The following COL24A1 variants were observed in gnomAD, a reference collection of about 807,000 sequenced individuals.
COL24A1 encodes collagen alpha-1(XXIV) chain.
A neutral mutation model predicts 253.9 loss-of-function variants in COL24A1; 224 were observed. That is an observed-to-expected ratio of 0.88 (90% CI 0.79 to 0.99). The LOEUF (loss-of-function observed/expected upper bound fraction) is 0.99, where lower values mean the gene tolerates loss of function less well. COL24A1 is among the 50% of genes least tolerant of loss of function. The probability of loss-of-function intolerance (pLI) is 0.00; values close to 1 mark genes in which losing one functional copy is unlikely to be tolerated. For synonymous variants in COL24A1, 685 were observed against 673.7 expected, an observed-to-expected ratio of 1.02 and a Z score of -0.26; for missense variants, 2,131 against 2,068.5, an observed-to-expected ratio of 1.03 and a Z score of -0.59.
intron 28 of COL24A1, among the ~76,000 whole-genome samples, chr1:85,902,356 C>T (rs756963642): frequency 1.6e-4 from 24 of 152,186 alleles, no homozygotes; most frequent in Non-Finnish European, 3.4e-4. Flanking sequence ...TGAAGTAACT[C>T]ATATCTTCCA....
chr1:86,045,357 T>C (rs937205564), intron 12 of COL24A1, among the ~76,000 whole-genome samples: 3 of 152,208 alleles, frequency 2.0e-5, no homozygotes, highest in Non-Finnish European at 4.4e-5. Context: ...TCGTGTATTA[T>C]GGCAGATGAT....
rs1682203311 is a variant in COL24A1 at position 85,884,195 on chromosome 1, T to C, written c.2976+5365A>G. On this transcript the variant is annotated intron_variant, in intron 32 of 59. Transcript: ENST00000370571. The stretch of plus-strand genomic sequence containing the variant: ...CCAAAATGTCTGCTATCCCTGAGTC[T>C]GTTTCTGCTTGTCTCTGTAGACTGT... 5.3e-5 allele frequency among the ~76,000 whole-genome samples: 8 copies of C among 152,142 alleles called. No individual in the cohort carries two copies. In the South Asian group the frequency reaches 1.7e-3, roughly 32 times the overall value.
chr1:86,057,254 A>C (rs1571770928), intron 10 of COL24A1, among the ~76,000 whole-genome samples: 1 of 151,898 alleles, frequency 6.6e-6, no homozygotes, highest in Non-Finnish European at 1.5e-5. Flanking sequence ...CTCTCCCTTC[A>C]CCTTCCGCTG....
chr1:86,009,106 T>C (rs921381393), intron 19 of COL24A1, among the ~76,000 whole-genome samples: 3 of 152,276 alleles, frequency 2.0e-5, no homozygotes, highest in East Asian at 3.9e-4. Context: ...TGAAGCTAGA[T>C]AGATTGATGT....
At chr1:85,824,136 TAAAGA>T (rs1673958880) in intron 43 of COL24A1, among the ~76,000 whole-genome samples, 1 of 152,050 alleles carries the variant, frequency 6.6e-6, no homozygotes, top group Non-Finnish European at 1.5e-5. Context: ...CTAAATCCAC[TAAAGA>T]GCATAAGTGA....
chr1:85,762,058 T>C (rs776286091), intron 53 of COL24A1, among the ~76,000 whole-genome samples: 1 of 152,292 alleles, frequency 6.6e-6, no homozygotes, highest in Non-Finnish European at 1.5e-5. Flanking sequence ...AATTAATTAG[T>C]ATTAATTTAG....
At chr1:85,855,662 C>G (rs1339727789) in intron 37 of COL24A1, among the ~76,000 whole-genome samples, 1 of 152,124 alleles carries the variant, frequency 6.6e-6, no homozygotes, top group Non-Finnish European at 1.5e-5. Context: ...GGATATTGAC[C>G]TGAAGTCTTC....
At chr1:85,805,801 C>T (rs1011458067) in intron 47 of COL24A1, among the ~76,000 whole-genome samples, 15 of 152,186 alleles carry the variant, frequency 9.9e-5, no homozygotes, top group Non-Finnish European at 1.8e-4. Context: ...ATAGGCCGGG[C>T]GCGGTGGCTC....
intron 28 of COL24A1, among the ~76,000 whole-genome samples, chr1:85,896,990 C>T (rs577464179): frequency 3.6e-4 from 55 of 152,248 alleles, no homozygotes; most frequent in Non-Finnish European, 4.6e-4. Context: ...TTGGGTATTT[C>T]GTTCACTTTA....
At chr1:86,002,198 C>A (rs1034919365) in intron 19 of COL24A1, among the ~76,000 whole-genome samples, 1 of 152,198 alleles carries the variant, frequency 6.6e-6, no homozygotes, top group Non-Finnish European at 1.5e-5. Context: ...CTGTCAGTCA[C>A]ATTGTGTGTG....
intron 53 of COL24A1, among the ~76,000 whole-genome samples, chr1:85,770,612 C>T (rs567790674): frequency 1.3e-5 from 2 of 151,564 alleles, no homozygotes; most frequent in African/African-American, 4.9e-5. Context: ...TTATAAATAA[C>T]CTTTTTACTA....
At chr1:86,148,071 C>A (rs1160692063) in intron 1 of COL24A1, among the ~76,000 whole-genome samples, 1 of 152,150 alleles carries the variant, frequency 6.6e-6, no homozygotes, top group Admixed American at 6.5e-5. Flanking sequence ...TTCTGAGGAC[C>A]ACTACTCTAA....
intron 37 of COL24A1, among the ~76,000 whole-genome samples, chr1:85,867,065 T>C (rs1404892764): frequency 1.3e-5 from 2 of 152,214 alleles, no homozygotes; most frequent in African/African-American, 4.8e-5. Context: ...ATTATAGTCA[T>C]TGATAAAAAT....
intron 14 of COL24A1, among the ~76,000 whole-genome samples, chr1:86,031,056 G>A (rs1360254122): frequency 6.6e-6 from 1 of 152,068 alleles, no homozygotes; most frequent in African/African-American, 2.4e-5. Context: ...ATCAACTTAA[G>A]TATCCATCAG....
At chr1:85,942,916 G>C (rs1036809132) in intron 24 of COL24A1, among the ~76,000 whole-genome samples, 4 of 152,130 alleles carry the variant, frequency 2.6e-5, no homozygotes, top group Non-Finnish European at 5.9e-5. Flanking sequence ...CAATTTGACT[G>C]GTATAAGGAA....
At chr1:85,796,379 C>A (rs1181199202) in intron 47 of COL24A1, among the ~76,000 whole-genome samples, 1 of 152,164 alleles carries the variant, frequency 6.6e-6, no homozygotes, top group Admixed American at 6.5e-5. Context: ...TTTATGAAAT[C>A]TCCTTTACCC....
chr1:85,742,147 C>T (rs7532853), intron 57 of COL24A1, among the ~76,000 whole-genome samples: 130,275 of 146,620 alleles, frequency 0.89, 58,656 homozygotes, highest in Non-Finnish European at 0.97. Context: ...CTTTTTTTTT[C>T]TTTTGAGACA....
At chr1:86,005,956 C>CAGCACCAACTGTATTAGTTGGTTATT (rs1375794767) in intron 19 of COL24A1, among the ~76,000 whole-genome samples, 3 of 152,118 alleles carry the variant, frequency 2.0e-5, no homozygotes, top group African/African-American at 4.8e-5. Flanking sequence ...AAACACAATA[C>CAGCACCAACTGTATTAGTTGGTTATT]AGCACCAACT....
chr1:85,784,148 C>T lies in COL24A1; in HGVS notation c.4186G>A (p.Gly1396Ser). The change falls in exon 50 of 60, where the codon GGT becomes AGT. Residue 1396 changes from glycine (G) to serine (S), a missense_variant. By Grantham distance (56) the Gly-to-Ser change is moderately conservative. Transcript: ENST00000370571. Reference protein sequence around the residue: ...KGQPGEYGVQGLTGFQGFPGP... With the variant: ...KGQPGEYGVQSLTGFQGFPGP... The stretch of plus-strand genomic sequence containing the variant: ...GGGAATCCTTGGAAACCTGTCAAAC[C>T]TTGAACACCATATTCTCCCTGCAAA... 6.2e-7 allele frequency: 1 copy of T among 1,613,622 alleles called. No individual in the cohort carries two copies. Among genetic ancestry groups the T allele is most frequent in the Non-Finnish European group, 8.5e-7 (1 of 1,179,716 alleles).
Sources: allele counts gnomAD v4.1 joint callset (sites outside exome capture counted in the v4.1 genomes callset), GRCh38; gene constraint gnomAD v4.1.1; transcripts MANE v1.5; gene names NCBI Gene and HGNC (gene_info 2026-07-23, HGNC 2026-07-21).